The following SETBP1 variants were observed in gnomAD, a reference collection of about 807,000 sequenced individuals.
The protein encoded by SETBP1 is SET-binding protein.
SETBP1 carries 9 observed loss-of-function variants against 101.0 expected under a neutral mutation model. The ratio of observed to expected loss-of-function variants is 0.09; its 90% CI spans 0.05 to 0.16. The LOEUF is 0.16. SETBP1 is among the 10% of genes least tolerant of loss of function. The pLI is 1.00. For synonymous variants in SETBP1, 818 were observed against 788.5 expected, an observed-to-expected ratio of 1.04 and a Z score of -0.63; for missense variants, 1,858 against 2,033.8, an observed-to-expected ratio of 0.91 and a Z score of 1.66.
chr18:44,816,628 C>T (rs893988192), intron 2 of SETBP1, among the ~76,000 whole-genome samples: 3 of 152,112 alleles, frequency 2.0e-5, no homozygotes, highest in East Asian at 3.9e-4. Context: ...GTAGCCTTTC[C>T]GTGAATGAGT....
chr18:44,908,947 A>G (rs1299831976), intron 3 of SETBP1, among the ~76,000 whole-genome samples: 3 of 152,210 alleles, frequency 2.0e-5, no homozygotes, highest in Admixed American at 2.0e-4. Flanking sequence ...TCAGAAAAAT[A>G]TATTTTTGCC....
intron 3 of SETBP1, among the ~76,000 whole-genome samples, chr18:44,929,938 G>A (rs1008391459): frequency 6.6e-6 from 1 of 152,100 alleles, no homozygotes; most frequent in African/African-American, 2.4e-5. Flanking sequence ...TCTTTCTCTT[G>A]CCTGATTGCC....
At chr18:44,981,238 C>T (rs2072106700) in intron 4 of SETBP1, among the ~76,000 whole-genome samples, 1 of 152,198 alleles carries the variant, frequency 6.6e-6, no homozygotes, top group Admixed American at 6.5e-5. Flanking sequence ...AGCTCACTTG[C>T]CCCGACTCTC....
intron 4 of SETBP1, among the ~76,000 whole-genome samples, chr18:45,029,434 G>A (rs2073242468): frequency 6.6e-6 from 1 of 152,148 alleles, no homozygotes; most frequent in South Asian, 2.1e-4. Flanking sequence ...ATAGTTTGAA[G>A]TCAGGTAGCG....
chr18:44,886,068 C>A (rs1399411816), intron 3 of SETBP1, among the ~76,000 whole-genome samples: 1 of 151,992 alleles, frequency 6.6e-6, no homozygotes, highest in African/African-American at 2.4e-5. Context: ...GGACAAAAGT[C>A]TCATGCACGG....
At chr18:44,726,309 CT>C (rs2069705635) in intron 2 of SETBP1, among the ~76,000 whole-genome samples, 1 of 152,110 alleles carries the variant, frequency 6.6e-6, no homozygotes, top group African/African-American at 2.4e-5. Flanking sequence ...GTTGTAGTAA[CT>C]AAAGCTGGCA....
At chr18:44,763,465 G>C (rs1471692102) in intron 2 of SETBP1, among the ~76,000 whole-genome samples, 1 of 152,202 alleles carries the variant, frequency 6.6e-6, no homozygotes, top group African/African-American at 2.4e-5. Flanking sequence ...TTGACATCAA[G>C]GTGTTTGCGT....
At position 44,755,790 on chromosome 18, in the gene SETBP1, A is replaced by G. The variant is rs940213883; in HGVS notation, c.486+53958A>G. On this transcript the variant is annotated intron_variant, in intron 2 of 5. Transcript: ENST00000649279. Reference sequence around the variant, plus strand: ...CCCCTTAATAAGTTCCATTTTATATATATCCCATTTGTCCTGTCTCTCTGG... The same window carrying G: ...CCCCTTAATAAGTTCCATTTTATATGTATCCCATTTGTCCTGTCTCTCTGG... Among the ~76,000 whole-genome samples the G allele has an allele frequency of 2.0e-5, 3 of 152,070 alleles. No homozygotes were observed. In the South Asian group the frequency reaches 6.2e-4, roughly 32 times the overall value.
At chr18:45,044,039 A>T (rs2073562140) in intron 5 of SETBP1, among the ~76,000 whole-genome samples, 1 of 152,200 alleles carries the variant, frequency 6.6e-6, no homozygotes, top group Admixed American at 6.5e-5. Flanking sequence ...TATTTATTTT[A>T]CTTCTTTTGT....
chr18:45,053,042 C>T (rs1188552379), intron 5 of SETBP1, among the ~76,000 whole-genome samples: 3 of 152,048 alleles, frequency 2.0e-5, no homozygotes, highest in Admixed American at 6.5e-5. Context: ...TAGCCTTGGC[C>T]AGTGTTGGTA....
At position 45,064,308 on chromosome 18, in the gene SETBP1, C is replaced by G. The variant is rs1230459952; in HGVS notation, c.*610C>G. The G allele has an allele frequency of 6.6e-6, 1 of 152,352 alleles. No individual in the cohort carries two copies. The highest frequency in any genetic ancestry group is 1.5e-5 in the Non-Finnish European group (1 of 68,146). The allele number at this position is 152,352 out of a possible 1,614,324, so 9.4% of individuals were successfully genotyped here. On this transcript the variant is annotated 3_prime_UTR_variant, in exon 6 of 6. Transcript: ENST00000649279. Reference sequence around the variant, plus strand: ...GTGGAATTCTAGTGATAGGCGACCTCAGACCCGCATTCATGTTCTGTGTGC... The same window carrying G: ...GTGGAATTCTAGTGATAGGCGACCTGAGACCCGCATTCATGTTCTGTGTGC...
In SETBP1 at chr18:44,756,469, C is replaced by T. The variant is rs537444723; in HGVS notation, c.486+54637C>T. 5.3e-5 allele frequency among the ~76,000 whole-genome samples: 8 copies of T among 152,296 alleles called. No homozygotes were observed. The East Asian group carries it at 1.5e-3, about 29-fold the overall frequency. Reference sequence around the variant, plus strand: ...GGATCACAGTGCTGTCAAGTACATCCTTCACTCAGAGAGCCCAGGGCTGGA... The same window carrying T: ...GGATCACAGTGCTGTCAAGTACATCTTTCACTCAGAGAGCCCAGGGCTGGA... On this transcript the variant is annotated intron_variant, in intron 2 of 5. Transcript: ENST00000649279.
chr18:44,906,111 C>T (rs773803432), intron 3 of SETBP1, among the ~76,000 whole-genome samples: 11 of 152,104 alleles, frequency 7.2e-5, no homozygotes, highest in Non-Finnish European at 1.6e-4. Flanking sequence ...GATAGCCAGG[C>T]GTTATGTGGA....
At chr18:45,013,277 G>T (rs1246765700) in intron 4 of SETBP1, among the ~76,000 whole-genome samples, 1 of 152,152 alleles carries the variant, frequency 6.6e-6, no homozygotes, top group African/African-American at 2.4e-5. Flanking sequence ...AACACACCAC[G>T]AAGGATGCTA....
At chr18:45,039,663 A>G (rs2073470727) in intron 5 of SETBP1, among the ~76,000 whole-genome samples, 1 of 152,250 alleles carries the variant, frequency 6.6e-6, no homozygotes, top group African/African-American at 2.4e-5. Flanking sequence ...ATTAATGTAA[A>G]TGTGGCAAGC....
intron 3 of SETBP1, among the ~76,000 whole-genome samples, chr18:44,874,487 G>T (rs946206608): frequency 2.0e-5 from 3 of 152,190 alleles, no homozygotes; most frequent in Non-Finnish European, 4.4e-5. Context: ...TGTGCTGTTG[G>T]TCCATACAAG....
intron 3 of SETBP1, among the ~76,000 whole-genome samples, chr18:44,901,505 G>T (rs987114984): frequency 1.3e-5 from 2 of 152,134 alleles, no homozygotes; most frequent in African/African-American, 4.8e-5. Context: ...TCAGCCTGTG[G>T]CCATGTGGGA....
intron 2 of SETBP1, among the ~76,000 whole-genome samples, chr18:44,796,529 A>G (rs2071478594): frequency 6.6e-6 from 1 of 152,186 alleles, no homozygotes; most frequent in Non-Finnish European, 1.5e-5. Flanking sequence ...GTATTTGTTA[A>G]AAGCTCTTTA....
intron 4 of SETBP1, among the ~76,000 whole-genome samples, chr18:44,967,322 C>T (rs2071742270): frequency 6.6e-6 from 1 of 152,226 alleles, no homozygotes; most frequent in Non-Finnish European, 1.5e-5. Context: ...GGCATCGGGA[C>T]TGTCACGGCA....
Sources: gnomAD v4.1 joint callset for allele counts (sites outside exome capture counted in the v4.1 genomes callset) on GRCh38, gnomAD v4.1.1 for gene constraint, MANE v1.5 for transcripts, NCBI Gene and HGNC (gene_info 2026-07-23, HGNC 2026-07-21) for gene names.